The following GPC6 variants were observed in gnomAD, a reference collection of about 807,000 sequenced individuals.
GPC6 encodes glypican-6.
A neutral mutation model predicts 55.2 loss-of-function variants in GPC6; 14 were observed. The observed-to-expected ratio is 0.25, with a 90% CI of 0.17 to 0.40. The LOEUF (loss-of-function observed/expected upper bound fraction) is 0.40, where lower values mean the gene tolerates loss of function less well. Ranked by LOEUF, GPC6 falls within the 10% of genes least tolerant of loss-of-function variation. The probability of loss-of-function intolerance (pLI) is 1.00; values close to 1 mark genes in which losing one functional copy is unlikely to be tolerated. For missense variants in GPC6, 641 were observed against 708.5 expected (o/e 0.90, Z 1.08); for synonymous variants, 278 against 259.6 (o/e 1.07, Z -0.68).
intron 2 of GPC6, among the ~76,000 whole-genome samples, chr13:93,819,931 G>C (rs1249776020): frequency 1.3e-5 from 2 of 152,156 alleles, no homozygotes; most frequent in Admixed American, 6.5e-5. Context: ...GTGAAATGTG[G>C]ATTCAAGTCA....
chr13:93,372,066 A>C (rs1027622462), intron 1 of GPC6, among the ~76,000 whole-genome samples: 4 of 152,286 alleles, frequency 2.6e-5, no homozygotes, highest in African/African-American at 9.6e-5. Flanking sequence ...ACACTTTGGG[A>C]TTAGCTTAAC....
At chr13:93,545,693 A>T (rs1478020795) in intron 2 of GPC6, among the ~76,000 whole-genome samples, 1 of 151,878 alleles carries the variant, frequency 6.6e-6, no homozygotes, top group African/African-American at 2.4e-5. Context: ...TCAAGTTTTC[A>T]TTATTAGAGG....
the GPC6 span, among the ~76,000 whole-genome samples, chr13:93,219,097 T>G: frequency 1.3e-5 from 2 of 150,858 alleles, no homozygotes; most frequent in African/African-American, 2.4e-5. Flanking sequence ...CCTATTTTTT[T>G]TTTTTTTTCT....
chr13:93,439,693 AAAAAAT>A lies in GPC6; in HGVS notation c.161-105565_161-105560del, dbSNP rs145529973. Among the ~76,000 whole-genome samples, 1,753 of 149,392 alleles carry A rather than the reference AAAAAAT, an allele frequency of 0.012. 210 individuals carry two copies. In the East Asian group the frequency reaches 0.28, roughly 24 times the overall value. On this transcript the variant is annotated intron_variant, in intron 1 of 8. Transcript: ENST00000377047. Reference sequence around the variant, plus strand: ...AAATAAAATAAAATAAAATAAATAAAAAAAATAAAATAAAATAAAATAAAATAAAAC... The same window carrying A: ...AAATAAAATAAAATAAAATAAATAAAAAAATAAAATAAAATAAAATAAAAC...
intron 8 of GPC6, 47 bp downstream of exon 8, chr13:94,398,688 G>A: frequency 6.5e-7 from 1 of 1,538,428 alleles, no homozygotes; most frequent in East Asian, 2.3e-5. Flanking sequence ...GTAAAAAATG[G>A]TTTTAGAAGA....
At chr13:93,785,751 A>C (rs1885798674) in intron 2 of GPC6, among the ~76,000 whole-genome samples, 10 of 152,156 alleles carry the variant, frequency 6.6e-5, no homozygotes, top group Admixed American at 6.5e-4. Context: ...ATCTGAGCCC[A>C]GGAGTTCAAG....
chr13:94,217,205 A>G (rs1890252380), intron 4 of GPC6, among the ~76,000 whole-genome samples: 1 of 152,202 alleles, frequency 6.6e-6, no homozygotes, highest in Admixed American at 6.5e-5. Flanking sequence ...TGTGGTCCCA[A>G]TGTCAGTAAG....
rs148759914 is a variant in GPC6 at position 94,193,757 on chromosome 13, G to C, written c.878-92592G>C. 1.9e-3 allele frequency among the ~76,000 whole-genome samples: 287 copies of C among 152,306 alleles called. 1 individual carries two copies. The highest frequency in any genetic ancestry group is 6.7e-3 in the African/African-American group (280 of 41,576). On this transcript the variant is annotated intron_variant, in intron 4 of 8. Coordinates refer to ENST00000377047, the MANE Select transcript of GPC6 (RefSeq NM_005708.5). ...TGATCATTGTCGTCATGCAGTGAAAGTTCTTTAAATCTAGACCCCTTATCT... is the reference window on the plus strand; with the variant it reads ...TGATCATTGTCGTCATGCAGTGAAACTTCTTTAAATCTAGACCCCTTATCT...
intron 3 of GPC6, among the ~76,000 whole-genome samples, chr13:94,009,554 C>T (rs1004609926): frequency 5.3e-5 from 8 of 152,172 alleles, no homozygotes; most frequent in African/African-American, 1.9e-4. Context: ...AAATAGATGA[C>T]CTTGACAGTA....
At chr13:93,665,025 T>C (rs1881077521) in intron 2 of GPC6, among the ~76,000 whole-genome samples, 1 of 152,242 alleles carries the variant, frequency 6.6e-6, no homozygotes, top group African/African-American at 2.4e-5. Context: ...TTCATTATTT[T>C]CAGAGGCCCA....
At chr13:93,611,414 G>GTA (rs1458739382) in intron 2 of GPC6, among the ~76,000 whole-genome samples, 3 of 151,940 alleles carry the variant, frequency 2.0e-5, no homozygotes, top group East Asian at 3.9e-4. Context: ...AAAAGAAGAA[G>GTA]TATATATATG....
intron 1 of GPC6, among the ~76,000 whole-genome samples, chr13:93,340,783 A>AT (rs1880228543): frequency 6.9e-6 from 1 of 144,974 alleles, no homozygotes; most frequent in African/African-American, 2.6e-5. Flanking sequence ...GTGAAGATTT[A>AT]TTTTTATTTT....
intron 4 of GPC6, among the ~76,000 whole-genome samples, chr13:94,048,954 G>A (rs996120993): frequency 6.6e-6 from 1 of 151,914 alleles, no homozygotes; most frequent in African/African-American, 2.4e-5. Context: ...TATGAAGAAG[G>A]CATTGTCACC....
intron 3 of GPC6, among the ~76,000 whole-genome samples, chr13:94,001,055 A>G (rs947314570): frequency 6.6e-6 from 1 of 152,138 alleles, no homozygotes; most frequent in Admixed American, 6.5e-5. Context: ...AAACAGGCAT[A>G]TTACCTAGCT....
chr13:94,194,758 A>C (rs1423952731), intron 4 of GPC6, among the ~76,000 whole-genome samples: 2 of 152,180 alleles, frequency 1.3e-5, no homozygotes, highest in East Asian at 1.9e-4. Context: ...TGAAAATAAA[A>C]ATTTTAAAGA....
At chr13:93,526,643 A>C (rs187834949) in intron 1 of GPC6, among the ~76,000 whole-genome samples, 1 of 152,106 alleles carries the variant, frequency 6.6e-6, no homozygotes, top group Non-Finnish European at 1.5e-5. Flanking sequence ...ATGCAATGAC[A>C]TAGGCTGAAG....
At chr13:93,993,379 C>T (rs1282093322) in intron 3 of GPC6, among the ~76,000 whole-genome samples, 3 of 151,422 alleles carry the variant, frequency 2.0e-5, no homozygotes, top group South Asian at 2.1e-4. Context: ...CTGCAACCTC[C>T]GCCTCCTGGG....
intron 3 of GPC6, chr13:94,025,745 C>T (rs976398012): frequency 2.6e-5 from 4 of 152,046 alleles, no homozygotes; most frequent in Admixed American, 6.6e-5. Flanking sequence ...TAGAATTAAT[C>T]GATAGGAAAC....
intron 4 of GPC6, among the ~76,000 whole-genome samples, chr13:94,062,747 T>C (rs907427103): frequency 1.3e-5 from 2 of 152,158 alleles, no homozygotes; most frequent in South Asian, 2.1e-4. Flanking sequence ...CTGGCTAAAA[T>C]TGAGGAAGTT....
Sources: allele counts gnomAD v4.1 joint callset (sites outside exome capture counted in the v4.1 genomes callset), GRCh38; gene constraint gnomAD v4.1.1; transcripts MANE v1.5; gene names NCBI Gene and HGNC (gene_info 2026-07-23, HGNC 2026-07-21).